ASCC1: variants seen among roughly 807,000 people sequenced by gnomAD.
The protein encoded by ASCC1 is ASC-1 complex subunit P50.
Under a neutral mutation model 46.6 loss-of-function variants are expected in ASCC1, and 35 were observed. The observed-to-expected ratio is 0.75, with a 90% confidence interval of 0.57 to 0.99. The LOEUF is 0.99. Ranked by LOEUF, ASCC1 falls within the 50% of genes least tolerant of loss-of-function variation. The pLI, the probability that ASCC1 is intolerant of heterozygous loss-of-function variation, is 0.00. For missense variants in ASCC1, 376 were observed against 428.7 expected (o/e 0.88, Z 1.09); for synonymous variants, 143 against 146.6 (o/e 0.98, Z 0.18).
chr10:72,198,908 C>T (rs1316206053), intron 4 of ASCC1, among the ~76,000 whole-genome samples: 1 of 151,970 alleles, frequency 6.6e-6, no homozygotes, highest in Non-Finnish European at 1.5e-5. Flanking sequence ...CCTCCGCCTC[C>T]CAGGTTCAAG....
chr10:72,103,140 CT>C (rs554220050), intron 9 of ASCC1, among the ~76,000 whole-genome samples: 22 of 147,400 alleles, frequency 1.5e-4, no homozygotes, highest in African/African-American at 2.2e-4. Context: ...TTTTTTTTTC[CT>C]TTTTTTTTTG....
At chr10:72,208,732 C>T (rs1304277408) in intron 3 of ASCC1, among the ~76,000 whole-genome samples, 1 of 151,938 alleles carries the variant, frequency 6.6e-6, no homozygotes, top group East Asian at 1.9e-4. Context: ...TGCACACCAG[C>T]CTGGGTGACA....
intron 9 of ASCC1, among the ~76,000 whole-genome samples, chr10:72,126,246 G>A (rs372063022): frequency 6.6e-6 from 1 of 152,180 alleles, no homozygotes; most frequent in African/African-American, 2.4e-5. Context: ...CTTTACCTTA[G>A]TAGATTTCAT....
chr10:72,189,845 GTTCTATTTTA>G, intron 5 of ASCC1: 1 of 452,038 alleles, frequency 2.2e-6, no homozygotes. Flanking sequence ...ATGAACCATT[GTTCTATTTTA>G]TTCCAAATGC....
In ASCC1 at chr10:72,179,853, G is replaced by GA. The variant is rs950074158; in HGVS notation, c.489+16957dup. On this transcript the variant is annotated intron_variant, in intron 5 of 9. Coordinates refer to ENST00000672957, the MANE Select transcript of ASCC1 (RefSeq NM_001198800.3). ...TTTACAATATTATAGATTACTAGCA[G>GA]AAAAAAAATGCATGAACAGCAGCTT... Among the ~76,000 whole-genome samples, 9 of 151,658 alleles carry GA rather than the reference G, an allele frequency of 5.9e-5. No individual in the cohort carries two copies. The East Asian group carries it at 1.7e-3, about 29-fold the overall frequency.
chr10:72,149,316 T>C (rs1370104077), intron 7 of ASCC1, among the ~76,000 whole-genome samples: 3 of 151,782 alleles, frequency 2.0e-5, no homozygotes, highest in South Asian at 2.1e-4. Flanking sequence ...CGGGTGCCTG[T>C]AGTCTCAGCT....
intron 5 of ASCC1, among the ~76,000 whole-genome samples, chr10:72,168,315 C>T (rs376875162): frequency 6.6e-6 from 1 of 152,142 alleles, no homozygotes; most frequent in East Asian, 1.9e-4. Flanking sequence ...ATGACTCGAA[C>T]ATGTAGAAAG....
At chr10:72,153,643 G>C (rs1848623575) in intron 6 of ASCC1, among the ~76,000 whole-genome samples, 1 of 151,784 alleles carries the variant, frequency 6.6e-6, no homozygotes, top group South Asian at 2.1e-4. Flanking sequence ...AGCCAGGATG[G>C]CCTCGATCTC....
intron 5 of ASCC1, chr10:72,190,709 A>G: frequency 1.6e-6 from 1 of 612,562 alleles, no homozygotes; most frequent in Non-Finnish European, 2.8e-6. Context: ...AAGACAGTTA[A>G]AGTGAAGGCC....
upstream of ASCC1, chr10:72,216,907 G>T: frequency 2.2e-6 from 1 of 456,130 alleles, no homozygotes; most frequent in Non-Finnish European, 4.4e-6. Context: ...CTGGCAAACT[G>T]GTTGAAGATA....
At chr10:72,206,432 T>G (rs1276661056) in intron 3 of ASCC1, among the ~76,000 whole-genome samples, 2 of 152,128 alleles carry the variant, frequency 1.3e-5, no homozygotes, top group East Asian at 3.9e-4. Context: ...TAAATTAAAT[T>G]AAAATGGAAT....
intron 7 of ASCC1, chr10:72,133,625 C>T (rs978102077): frequency 4.1e-6 from 1 of 243,850 alleles, no homozygotes; most frequent in African/African-American, 2.3e-5. Context: ...ACAGTTATGA[C>T]AGAGAGTGAC....
intron 2 of ASCC1, among the ~76,000 whole-genome samples, chr10:72,211,897 A>G (rs564349283): frequency 2.6e-5 from 4 of 152,150 alleles, no homozygotes; most frequent in Non-Finnish European, 4.4e-5. Flanking sequence ...TTAAACAACA[A>G]TACAGGCCGG....
At chr10:72,144,863 C>A (rs1298458761) in intron 7 of ASCC1, among the ~76,000 whole-genome samples, 1 of 151,998 alleles carries the variant, frequency 6.6e-6, no homozygotes, top group East Asian at 1.9e-4. Flanking sequence ...TTTATTTACC[C>A]ACGATTGCTT....
At chr10:72,159,995 C>G (rs1849446077) in intron 6 of ASCC1, among the ~76,000 whole-genome samples, 2 of 151,330 alleles carry the variant, frequency 1.3e-5, no homozygotes, top group East Asian at 1.9e-4. Flanking sequence ...AGCTCCGCCT[C>G]CCGGGTTCAC....
chr10:72,123,325 C>G (rs939710414), intron 9 of ASCC1, among the ~76,000 whole-genome samples: 4 of 125,460 alleles, frequency 3.2e-5, no homozygotes, highest in Non-Finnish European at 6.5e-5. Flanking sequence ...GGCGGCAGAG[C>G]AAGACTCCGT....
rs566894160 is a variant in ASCC1, at chr10:72,096,499, G to C, written c.*835C>G. 2.2e-6 allele frequency: 1 copy of C among 454,124 alleles called. No individual in the cohort carries two copies. The highest frequency in any genetic ancestry group is 1.6e-5 in the South Asian group (1 of 64,474). 28.1% of individuals were successfully genotyped at this position (454,124 alleles called of 1,614,324 possible). On this transcript the variant is annotated 3_prime_UTR_variant, in exon 10 of 10. Transcript: ENST00000672957. ...ATATTAAGAGGACAAACTTTGGTAG[G>C]AAAATGATAGACCAAGCAAAGTAAA... is the stretch of plus-strand genomic sequence containing the variant.
intron 9 of ASCC1, among the ~76,000 whole-genome samples, chr10:72,126,142 G>A (rs1420742471): frequency 6.6e-6 from 1 of 152,158 alleles, no homozygotes; most frequent in Non-Finnish European, 1.5e-5. Context: ...ATCTTTACGG[G>A]AGGCAGCAGA....
chr10:72,209,728 G>A (rs1035244796), intron 3 of ASCC1, among the ~76,000 whole-genome samples: 3 of 152,300 alleles, frequency 2.0e-5, no homozygotes, highest in East Asian at 3.9e-4. Flanking sequence ...AGGTTGCAGT[G>A]AGCCAAGATC....
Sources: allele counts gnomAD v4.1 joint callset (sites outside exome capture counted in the v4.1 genomes callset), GRCh38; gene constraint gnomAD v4.1.1; transcripts MANE v1.5; gene names NCBI Gene and HGNC (gene_info 2026-07-23, HGNC 2026-07-21).